Variants in THSD7B observed in about 807,000 individuals in gnomAD.
The protein encoded by THSD7B is thrombospondin type 1 domain containing 7B, also known as thrombospondin type-1 domain-containing protein 7B.
A neutral mutation model predicts 213.6 loss-of-function variants in THSD7B; 138 were observed. That is an observed-to-expected ratio of 0.65 (90% CI 0.56 to 0.74). The LOEUF (loss-of-function observed/expected upper bound fraction) is 0.74. Among genes scored for constraint, THSD7B ranks in the 30% least tolerant of loss-of-function variants. THSD7B has a pLI of 0.00. For missense variants in THSD7B, 1,931 were observed against 1,991.5 expected (o/e 0.97, Z 0.58); for synonymous variants, 742 against 687.0 (o/e 1.08, Z -1.25).
At chr2:137,262,043 A>G (rs1682464024) in intron 10 of THSD7B, among the ~76,000 whole-genome samples, 1 of 152,072 alleles carries the variant, frequency 6.6e-6, no homozygotes, top group Admixed American at 6.6e-5. Flanking sequence ...AAAGCTGAGG[A>G]TGCAAGGACC....
At chr2:137,516,505 C>A (rs1002679147) in intron 15 of THSD7B, among the ~76,000 whole-genome samples, 2 of 152,178 alleles carry the variant, frequency 1.3e-5, no homozygotes, top group African/African-American at 4.8e-5. Context: ...AATGATCAAG[C>A]ATGTTGAGGA....
Position 137,296,941 on chromosome 2 carries a change from A to G in THSD7B, c.2500+20915A>G, listed in dbSNP as rs1031793471. The stretch of plus-strand genomic sequence containing the variant: ...GACATCTTCAAACTGGGTTCTTTCT[A>G]ATTGGCATAAGAGATTCAAATATGT... On this transcript the variant is annotated intron_variant, in intron 12 of 27. Coordinates refer to ENST00000409968, the MANE Select transcript of THSD7B (RefSeq NM_001316349.2). Among the ~76,000 whole-genome samples, 4 of 151,916 alleles carry G rather than the reference A, an allele frequency of 2.6e-5. 1 individual carries two copies. The highest frequency in any genetic ancestry group is 9.7e-5 in the African/African-American group (4 of 41,350).
intron 10 of THSD7B, among the ~76,000 whole-genome samples, chr2:137,242,823 C>T (rs1681942381): frequency 6.6e-6 from 1 of 152,144 alleles, no homozygotes; most frequent in Non-Finnish European, 1.5e-5. Flanking sequence ...TATTCATCTT[C>T]TACTGACCCC....
chr2:137,180,980 T>C (rs892594347), intron 7 of THSD7B, among the ~76,000 whole-genome samples: 1 of 152,178 alleles, frequency 6.6e-6, no homozygotes, highest in Non-Finnish European at 1.5e-5. Flanking sequence ...CTTTCCTTAG[T>C]GTGAGCTAAG....
intron 2 of THSD7B, among the ~76,000 whole-genome samples, chr2:136,993,522 G>C (rs1242311380): frequency 6.6e-6 from 1 of 152,174 alleles, no homozygotes; most frequent in African/African-American, 2.4e-5. Flanking sequence ...CTGAGAGCTT[G>C]AGCTTTGTCA....
intron 2 of THSD7B, among the ~76,000 whole-genome samples, chr2:137,055,262 A>G (rs1305782668): frequency 6.6e-6 from 1 of 152,164 alleles, no homozygotes; most frequent in Non-Finnish European, 1.5e-5. Flanking sequence ...GTGTCTTTAT[A>G]GTAGAATGAT....
intron 17 of THSD7B, among the ~76,000 whole-genome samples, chr2:137,584,341 G>A (rs531916728): frequency 6.6e-6 from 1 of 152,122 alleles, no homozygotes; most frequent in South Asian, 2.1e-4. Context: ...TCTTTCTCCT[G>A]CCTGATTGCC....
In THSD7B at chr2:136,930,885, A is replaced by G. The variant is rs72981702; in HGVS notation, c.139+48568A>G. ...AATCGATATAACACAGGCCTAAGAG[A>G]CGTCTGCCCCTTTAGTCCTGTCTCA... On this transcript the variant is annotated intron_variant, in intron 2 of 27. Coordinates refer to ENST00000409968, the MANE Select transcript of THSD7B (RefSeq NM_001316349.2). Among the ~76,000 whole-genome samples, 1,324 of 152,186 alleles carry G rather than the reference A, an allele frequency of 8.7e-3. 29 individuals carry two copies. The highest frequency in any genetic ancestry group is 0.031 in the African/African-American group (1,281 of 41,512).
chr2:137,113,602 A>G (rs1688391764), intron 4 of THSD7B, among the ~76,000 whole-genome samples: 1 of 151,884 alleles, frequency 6.6e-6, no homozygotes, highest in South Asian at 2.1e-4. Context: ...ACATCCGGCT[A>G]ATTTGGGATT....
intron 1 of THSD7B, among the ~76,000 whole-genome samples, chr2:136,835,080 C>A (rs1281370507): frequency 6.6e-6 from 1 of 152,154 alleles, no homozygotes; most frequent in Non-Finnish European, 1.5e-5. Flanking sequence ...AGCCAACACG[C>A]AACTCTGATC....
At chr2:137,140,489 C>A (rs2104963440) in intron 5 of THSD7B, among the ~76,000 whole-genome samples, 1 of 152,160 alleles carries the variant, frequency 6.6e-6, no homozygotes, top group South Asian at 2.1e-4. Flanking sequence ...TTGACAGATA[C>A]CACCAAAATT....
At chr2:136,892,094 C>T (rs571474618) in intron 2 of THSD7B, among the ~76,000 whole-genome samples, 2 of 152,210 alleles carry the variant, frequency 1.3e-5, no homozygotes, top group Admixed American at 1.3e-4. Context: ...GGGATCCTTA[C>T]ATAGGTGTCT....
chr2:137,606,579 C>A (rs1573739554), intron 17 of THSD7B, among the ~76,000 whole-genome samples: 1 of 152,246 alleles, frequency 6.6e-6, no homozygotes, highest in East Asian at 1.9e-4. Context: ...TTCTACTTTT[C>A]TGGGGTCTAG....
intron 1 of THSD7B, among the ~76,000 whole-genome samples, chr2:136,795,353 C>T (rs1246413671): frequency 6.6e-6 from 1 of 151,894 alleles, no homozygotes; most frequent in Non-Finnish European, 1.5e-5. Context: ...TTGCATCCAC[C>T]TGATGCTGAC....
At position 137,641,321 on chromosome 2, in the gene THSD7B, G is replaced by A. The variant is rs187509861; in HGVS notation, c.3800-1167G>A. Among the ~76,000 whole-genome samples, 365 of 152,218 alleles carry A rather than the reference G, an allele frequency of 2.4e-3. 2 individuals are homozygous for A. The highest frequency in any genetic ancestry group is 4.4e-3 in the Non-Finnish European group (296 of 68,028). On this transcript the variant is annotated intron_variant, in intron 20 of 27. Coordinates refer to ENST00000409968, the MANE Select transcript of THSD7B (RefSeq NM_001316349.2). ...CTCCTCTGTGTGGCGTACTCTCTCT[G>A]CACATCATGTCTGATTTACATCTTT...
At chr2:137,310,792 T>A (rs1269509281) in intron 12 of THSD7B, among the ~76,000 whole-genome samples, 1 of 151,990 alleles carries the variant, frequency 6.6e-6, no homozygotes, top group African/African-American at 2.4e-5. Context: ...TTTTCTCAGG[T>A]TTGTCAAAGA....
intron 2 of THSD7B, among the ~76,000 whole-genome samples, chr2:136,997,324 A>G (rs2104821385): frequency 6.6e-6 from 1 of 152,292 alleles, no homozygotes; most frequent in South Asian, 2.1e-4. Flanking sequence ...TATTCTTCTA[A>G]AATTAGAGTG....
intron 10 of THSD7B, among the ~76,000 whole-genome samples, chr2:137,264,900 A>G (rs1436721644): frequency 1.3e-5 from 2 of 151,790 alleles, no homozygotes; most frequent in African/African-American, 4.8e-5. Context: ...ATATGCATAC[A>G]TGTGCCATGC....
chr2:137,553,397 G>A (rs1680888755), intron 15 of THSD7B, among the ~76,000 whole-genome samples: 1 of 152,112 alleles, frequency 6.6e-6, no homozygotes, highest in African/African-American at 2.4e-5. Context: ...TTTATGGCAG[G>A]GAAGTCAGTC....
Sources: allele counts gnomAD v4.1 joint callset (sites outside exome capture counted in the v4.1 genomes callset), GRCh38; gene constraint gnomAD v4.1.1; transcripts MANE v1.5; gene names NCBI Gene and HGNC (gene_info 2026-07-23, HGNC 2026-07-21).